The following RAB12 variants were observed in gnomAD, a reference collection of about 807,000 sequenced individuals.
The protein encoded by RAB12 is ras-related protein Rab-12.
A neutral mutation model predicts 28.4 loss-of-function variants in RAB12; 11 were observed. That is an observed-to-expected ratio of 0.39 (90% CI 0.24 to 0.64). The LOEUF is 0.64. RAB12 is among the 30% of genes least tolerant of loss of function. The pLI is 0.50. For synonymous variants in RAB12, 138 were observed against 145.3 expected (o/e 0.95, Z 0.36); for missense variants, 276 against 351.1 (o/e 0.79, Z 1.71).
intron 2 of RAB12, chr18:8,632,835 A>G (rs1187064251): frequency 8.7e-6 from 2 of 229,370 alleles, no homozygotes; most frequent in South Asian, 6.9e-5. Context: ...CTTTTCCCCC[A>G]TTTTATTTTA....
Position 8,638,440 on chromosome 18 carries a change from T to A in RAB12, c.*178T>A, listed in dbSNP as rs1337690353. 5.2e-6 allele frequency: 3 copies of A among 573,362 alleles called. No homozygotes were observed. The highest frequency in any genetic ancestry group is 9.4e-6 in the Non-Finnish European group (3 of 320,606). 35.5% of individuals were successfully genotyped at this position (573,362 alleles called of 1,614,324 possible). A position where few individuals can be genotyped will look rare whatever the true frequency, so the allele number is the denominator to read the frequency against. Reference sequence around the variant, plus strand: ...GGGTAAGTTTTGGTTATAAGTTACCTATTTCCCTCCAAATTATTATATTTC... The same window carrying A: ...GGGTAAGTTTTGGTTATAAGTTACCAATTTCCCTCCAAATTATTATATTTC... On this transcript the variant is annotated 3_prime_UTR_variant, in exon 6 of 6. Transcript: ENST00000649141.
intron 1 of RAB12, among the ~76,000 whole-genome samples, chr18:8,623,065 AT>A (rs1457411571): frequency 6.6e-6 from 1 of 152,168 alleles, no homozygotes; most frequent in Non-Finnish European, 1.5e-5. Context: ...ATGCTCTACA[AT>A]TTGTGCAGTT....
chr18:8,616,928 CAAAAA>C, intron 1 of RAB12, among the ~76,000 whole-genome samples: 1 of 151,810 alleles, frequency 6.6e-6, no homozygotes. Flanking sequence ...GACCTTGTCT[CAAAAA>C]AGAAAAAACA....
chr18:8,613,959 A>G (rs1004028034), intron 1 of RAB12, among the ~76,000 whole-genome samples: 14 of 152,172 alleles, frequency 9.2e-5, no homozygotes, highest in Admixed American at 7.9e-4. Flanking sequence ...TGAGGACGAG[A>G]AGTCTCAGAG....
chr18:8,610,867 A>G (rs959861562), intron 1 of RAB12, among the ~76,000 whole-genome samples: 4 of 152,224 alleles, frequency 2.6e-5, no homozygotes, highest in African/African-American at 9.6e-5. Context: ...CTGAGTAGTC[A>G]GGAGATTTGA....
At position 8,639,046 on chromosome 18, in the gene RAB12, A is replaced by C. The variant is rs944848712; in HGVS notation, c.*784A>C. The C allele has an allele frequency of 3.3e-5, 5 of 152,096 alleles. No individual in the cohort carries two copies. The highest frequency in any genetic ancestry group is 2.0e-4 in the Admixed American group (3 of 15,250). 9.4% of individuals were successfully genotyped at this position (152,096 alleles called of 1,614,324 possible). ...AAAGAGATGCATTTTACTATATCAA[A>C]GAACATACGTGTATTTGCCTAAACA... is the stretch of plus-strand genomic sequence containing the variant. On this transcript the variant is annotated 3_prime_UTR_variant, in exon 6 of 6. Transcript: ENST00000649141.
intron 1 of RAB12, among the ~76,000 whole-genome samples, chr18:8,613,475 C>G (rs2096004978): frequency 6.6e-6 from 1 of 152,180 alleles, no homozygotes; most frequent in African/African-American, 2.4e-5. Flanking sequence ...CCATTTCTAT[C>G]TAGCAATGCC....
chr18:8,615,798 A>G (rs189050632), intron 1 of RAB12, among the ~76,000 whole-genome samples: 6 of 152,368 alleles, frequency 3.9e-5, no homozygotes, highest in Admixed American at 2.0e-4. Flanking sequence ...ATAAAAATCT[A>G]TTTAAAGACC....
chr18:8,627,502 C>T (rs888153405), intron 2 of RAB12, among the ~76,000 whole-genome samples: 1 of 152,136 alleles, frequency 6.6e-6, no homozygotes, highest in Non-Finnish European at 1.5e-5. Flanking sequence ...TTGTTGATTA[C>T]CTGTGGTCAG....
chr18:8,624,238 G>A (rs1387698401), intron 1 of RAB12, among the ~76,000 whole-genome samples: 7 of 152,220 alleles, frequency 4.6e-5, no homozygotes, highest in African/African-American at 1.7e-4. Context: ...TTTACATTTT[G>A]TATAACTGGA....
intron 1 of RAB12, among the ~76,000 whole-genome samples, chr18:8,624,336 A>G (rs375337303): frequency 2.8e-4 from 42 of 152,344 alleles, no homozygotes; most frequent in Non-Finnish European, 5.3e-4. Context: ...GGAAATATAC[A>G]TGATGGTTTG....
chr18:8,614,212 C>T (rs1382705078), intron 1 of RAB12, among the ~76,000 whole-genome samples: 1 of 152,082 alleles, frequency 6.6e-6, no homozygotes, highest in Non-Finnish European at 1.5e-5. Flanking sequence ...CATAATTATC[C>T]TATGGTATTA....
chr18:8,628,442 A>C (rs1160197087), intron 2 of RAB12, among the ~76,000 whole-genome samples: 1 of 152,178 alleles, frequency 6.6e-6, no homozygotes, highest in Non-Finnish European at 1.5e-5. Context: ...GGGAGTGTGG[A>C]ATCGTCTCTC....
intron 1 of RAB12, among the ~76,000 whole-genome samples, chr18:8,611,111 T>C (rs181299931): frequency 3.0e-4 from 46 of 152,328 alleles, no homozygotes; most frequent in African/African-American, 1.1e-3. Context: ...GAATAGATCA[T>C]TTTGGAAATA....
chr18:8,635,461 C>T (rs777434594), intron 3 of RAB12, 72 bp from the exon 4 acceptor site: 23 of 1,078,580 alleles, frequency 2.1e-5, no homozygotes, highest in Non-Finnish European at 3.0e-5. Flanking sequence ...AATACTGTAT[C>T]GGTTTATATT....
chr18:8,611,751 G>A (rs1443741782), intron 1 of RAB12, among the ~76,000 whole-genome samples: 2 of 152,138 alleles, frequency 1.3e-5, no homozygotes, highest in Non-Finnish European at 2.9e-5. Flanking sequence ...AAACCAGGAG[G>A]CAAGGAGACC....
At position 8,609,749 on chromosome 18, in the gene RAB12, C is replaced by G; in HGVS notation, c.310C>G (p.Gln104Glu). ...HACMDPGAAL[Q>E]RRAGGGGGLG... is the part of the protein sequence containing the mutation. ...GTGTATGGATCCGGGCGCCGCGCTG[C>G]AGAGGCGGGCCGGGGGCGGCGGCGG... The change falls in exon 1 of 6, where the codon CAG becomes GAG. Residue 104 changes from glutamine (Q) to glutamate (E), a missense_variant. Gln to Glu is a conservative substitution (Grantham distance 29). Around this residue, in one of 4 missense-constraint regions of RAB12, gnomAD observed 72 missense variants for 55.5 expected, o/e 1.30. Coordinates refer to ENST00000649141, the MANE Select transcript of RAB12 (RefSeq NM_001025300.3). 1 of 1,227,714 alleles carries G rather than the reference C, an allele frequency of 8.1e-7. No individual in the cohort carries two copies. The highest frequency in any genetic ancestry group is 1.0e-6 in the Non-Finnish European group (1 of 983,868). The allele number at this position is 1,227,714 out of a possible 1,614,324, so 76.1% of individuals were successfully genotyped here. A position where few individuals can be genotyped will look rare whatever the true frequency, so the allele number is the denominator to read the frequency against.
At chr18:8,622,434 G>A (rs939607087) in intron 1 of RAB12, among the ~76,000 whole-genome samples, 10 of 152,268 alleles carry the variant, frequency 6.6e-5, no homozygotes, top group South Asian at 2.1e-4. Context: ...CAGGGGAGAC[G>A]TCACATGTCG....
At position 8,623,585 on chromosome 18, in the gene RAB12, G is replaced by A. The variant is rs528629002; in HGVS notation, c.515-1353G>A. ...GAAATTGCAGTTTCCTTGCAGCTGA[G>A]TGTTAAGCCACTGTCTTCAAGTTCT... On this transcript the variant is annotated intron_variant, in intron 1 of 5. Transcript: ENST00000649141. Among the ~76,000 whole-genome samples, 415 of 152,344 alleles carry A rather than the reference G, an allele frequency of 2.7e-3. 2 individuals are homozygous for A. Among genetic ancestry groups the A allele is most frequent in the Middle Eastern group, 3.4e-3 (1 of 294 alleles).
Sources: allele counts gnomAD v4.1 joint callset (sites outside exome capture counted in the v4.1 genomes callset), GRCh38; gene constraint gnomAD v4.1.1; regional missense constraint gnomAD v4.1.1; transcripts MANE v1.5; gene names NCBI Gene and HGNC (gene_info 2026-07-23, HGNC 2026-07-21).